PRKAR1B: variants seen among roughly 807,000 people sequenced by gnomAD.
PRKAR1B encodes the protein cAMP-dependent protein kinase type I-beta regulatory subunit.
Under a neutral mutation model 46.5 loss-of-function variants are expected in PRKAR1B, and 22 were observed. The observed-to-expected ratio is 0.47, with a 90% confidence interval of 0.34 to 0.68. The LOEUF (loss-of-function observed/expected upper bound fraction) is 0.68, where lower values mean the gene tolerates loss of function less well. Ranked by LOEUF, PRKAR1B falls within the 30% of genes least tolerant of loss-of-function variation. The pLI is 0.01. For synonymous variants in PRKAR1B, 259 were observed against 217.7 expected, an observed-to-expected ratio of 1.19 and a Z score of -1.67; for missense variants, 445 against 535.6, an observed-to-expected ratio of 0.83 and a Z score of 1.67.
intron 4 of PRKAR1B, among the ~76,000 whole-genome samples, chr7:670,983 C>T (rs111720054): frequency 2.6e-5 from 4 of 152,362 alleles, no homozygotes; most frequent in African/African-American, 9.6e-5. Flanking sequence ...AGAGCTTTCC[C>T]GACCTCGGCG....
intron 9 of PRKAR1B, among the ~76,000 whole-genome samples, chr7:577,289 G>A (rs578194107): frequency 1.3e-5 from 2 of 152,352 alleles, no homozygotes; most frequent in East Asian, 1.9e-4. Flanking sequence ...GCAGAGAGGT[G>A]CCCTCCTTCT....
At chr7:595,721 A>G (rs903540749) in intron 7 of PRKAR1B, among the ~76,000 whole-genome samples, 1 of 152,148 alleles carries the variant, frequency 6.6e-6, no homozygotes, top group African/African-American at 2.4e-5. Flanking sequence ...CACATATAAG[A>G]AAAAAAGCTA....
intron 1 of PRKAR1B, among the ~76,000 whole-genome samples, chr7:721,665 AC>A (rs1781076827): frequency 6.6e-6 from 1 of 151,568 alleles, no homozygotes. Flanking sequence ...AAAAAAAATT[AC>A]CTTTCTGTTT....
intron 4 of PRKAR1B, among the ~76,000 whole-genome samples, chr7:647,807 A>G (rs1048156923): frequency 6.4e-5 from 9 of 140,890 alleles, no homozygotes; most frequent in South Asian, 2.2e-4. Context: ...TTCGTCTCCA[A>G]AAAAAAAAAA....
intron 2 of PRKAR1B, among the ~76,000 whole-genome samples, chr7:705,587 G>A (rs756502245): frequency 3.3e-5 from 5 of 152,102 alleles, no homozygotes; most frequent in Admixed American, 6.5e-5. Flanking sequence ...CCTGTAAGAC[G>A]AATATTTATA....
intron 4 of PRKAR1B, among the ~76,000 whole-genome samples, chr7:610,027 G>A (rs1176830753): frequency 1.3e-5 from 2 of 152,210 alleles, no homozygotes; most frequent in African/African-American, 2.4e-5. Flanking sequence ...ACAGGCATGA[G>A]CCGCTGCACC....
chr7:677,455 G>T, intron 3 of PRKAR1B, 135 bp from the exon 4 acceptor site: 1 of 737,718 alleles, frequency 1.4e-6, no homozygotes, highest in Non-Finnish European at 2.4e-6. Context: ...AGTTTAATGT[G>T]TATTTCACCA....
chr7:568,715 T>A (rs1228016752), intron 9 of PRKAR1B, among the ~76,000 whole-genome samples: 1 of 152,204 alleles, frequency 6.6e-6, no homozygotes, highest in Admixed American at 6.5e-5. Context: ...GCGCATCTGT[T>A]AGGATGTTCC....
chr7:727,995 T>A (rs1018836246), upstream of PRKAR1B, among the ~76,000 whole-genome samples: 1 of 151,918 alleles, frequency 6.6e-6, no homozygotes, highest in Non-Finnish European at 1.5e-5. Flanking sequence ...GCTTTGAGAC[T>A]CTGCTCTGGT....
intron 9 of PRKAR1B, among the ~76,000 whole-genome samples, chr7:554,078 TC>T (rs1278145298): frequency 2.0e-5 from 3 of 152,214 alleles, no homozygotes; most frequent in Admixed American, 2.0e-4. Context: ...CTCCTCCCAG[TC>T]CTGGCACTGG....
chr7:687,370 G>GA (rs1019661188), intron 2 of PRKAR1B, among the ~76,000 whole-genome samples: 5 of 151,446 alleles, frequency 3.3e-5, no homozygotes, highest in Non-Finnish European at 5.9e-5. Context: ...ACGAAACTAA[G>GA]AAAAAAAACT....
chr7:668,807 G>A (rs1786069996), intron 4 of PRKAR1B, among the ~76,000 whole-genome samples: 1 of 152,212 alleles, frequency 6.6e-6, no homozygotes, highest in Non-Finnish European at 1.5e-5. Context: ...CTAGAGCCTG[G>A]GAGCTGGGGA....
At chr7:688,416 A>T (rs192931233) in intron 2 of PRKAR1B, among the ~76,000 whole-genome samples, 1,914 of 151,818 alleles carry the variant, frequency 0.013, 41 homozygotes, top group African/African-American at 0.043. Context: ...AAAAAAAAAA[A>T]ATACAAGACA....
At chr7:728,027 C>T (rs1781420906), upstream of PRKAR1B, among the ~76,000 whole-genome samples, 1 of 152,190 alleles carries the variant, frequency 6.6e-6, no homozygotes, top group South Asian at 2.1e-4. Context: ...CTGTCCCATT[C>T]ATCCTACTCC....
At chr7:634,789 G>A (rs1298376465) in intron 4 of PRKAR1B, among the ~76,000 whole-genome samples, 3 of 151,838 alleles carry the variant, frequency 2.0e-5, no homozygotes, top group African/African-American at 4.8e-5. Flanking sequence ...ACAGGCACCC[G>A]CCACCATGTC....
intron 2 of PRKAR1B, among the ~76,000 whole-genome samples, chr7:696,019 A>G (rs1332992355): frequency 8.1e-6 from 1 of 123,028 alleles, no homozygotes; most frequent in Admixed American, 1.0e-4. Flanking sequence ...CCCAGGCTGG[A>G]GTATAGTGGC....
intron 4 of PRKAR1B, among the ~76,000 whole-genome samples, chr7:643,504 C>G (rs1040644971): frequency 2.6e-5 from 4 of 151,364 alleles, no homozygotes; most frequent in African/African-American, 9.8e-5. Context: ...AGGCAGATCA[C>G]CAGAGGTTGG....
At chr7:681,469 C>A (rs1027190535) in intron 2 of PRKAR1B, among the ~76,000 whole-genome samples, 2 of 152,110 alleles carry the variant, frequency 1.3e-5, no homozygotes, top group African/African-American at 4.8e-5. Flanking sequence ...ATTTTTATAA[C>A]TGCCTGCACA....
At chr7:694,630 T>C (rs1469073802) in intron 2 of PRKAR1B, among the ~76,000 whole-genome samples, 2 of 152,056 alleles carry the variant, frequency 1.3e-5, no homozygotes, top group Admixed American at 6.5e-5. Flanking sequence ...CCACCTCCAG[T>C]GCATTCTGCT....
Sources: allele counts gnomAD v4.1 joint callset (sites outside exome capture counted in the v4.1 genomes callset), GRCh38; gene constraint gnomAD v4.1.1; transcripts MANE v1.5; gene names NCBI Gene and HGNC (gene_info 2026-07-23, HGNC 2026-07-21).